The following CAB39L variants were observed in gnomAD, a reference collection of about 807,000 sequenced individuals.
CAB39L encodes calcium-binding protein 39-like.
Under a neutral mutation model 39.1 loss-of-function variants are expected in CAB39L, and 23 were observed. The ratio of observed to expected loss-of-function variants is 0.59; its 90% CI spans 0.42 to 0.83. The LOEUF (loss-of-function observed/expected upper bound fraction) is 0.83. CAB39L is among the 40% of genes least tolerant of loss of function. CAB39L has a pLI of 0.00. For missense variants in CAB39L, 366 were observed against 391.9 expected (o/e 0.93, Z 0.56); for synonymous variants, 126 against 137.2 (o/e 0.92, Z 0.57).
At chr13:49,313,453 C>T (rs555509466) in intron 10 of CAB39L, among the ~76,000 whole-genome samples, 2 of 151,346 alleles carry the variant, frequency 1.3e-5, no homozygotes, top group Non-Finnish European at 2.9e-5. Context: ...TGCACTCTAG[C>T]CTGGGCAACA....
At chr13:49,324,866 C>G (rs187602283) in intron 10 of CAB39L, among the ~76,000 whole-genome samples, 175 of 152,278 alleles carry the variant, frequency 1.1e-3, no homozygotes, top group African/African-American at 4.1e-3. Flanking sequence ...GTGGAAGTTA[C>G]ATAGGAAACT....
rs749152680 is a variant in CAB39L at position 49,332,108 on chromosome 13, A to G, written c.691-18T>C. ...CCTAGCAGCTAGAGGAAAACACAAA[A>G]CCAAAGCTGTAATCTCAGAGCCACC... On this transcript the variant is annotated intron_variant, in intron 9 of 10. Transcript: ENST00000409308. 10 of 1,610,552 alleles carry G rather than the reference A, an allele frequency of 6.2e-6. No individual in the cohort carries two copies. The Admixed American group carries it at 1.5e-4, about 24-fold the overall frequency.
In CAB39L at chr13:49,434,190, T is replaced by C. The variant is rs2138739884; in HGVS notation, c.-212A>G. On this transcript the variant is annotated 5_prime_UTR_variant, in exon 2 of 11. Coordinates refer to ENST00000409308, the MANE Select transcript of CAB39L (RefSeq NM_001079670.3). The stretch of plus-strand genomic sequence containing the variant: ...ACAGCAACTTAGAACACTTTGCTCC[T>C]GATATTCTTTCTTCTCAATATTTGA... The C allele has an allele frequency of 2.2e-6, 1 of 455,590 alleles. No homozygotes were observed. The highest frequency in any genetic ancestry group is 2.0e-5 in the African/African-American group (1 of 50,086). The allele number at this position is 455,590 out of a possible 1,614,324, so 28.2% of individuals were successfully genotyped here.
intron 6 of CAB39L, among the ~76,000 whole-genome samples, chr13:49,355,227 A>C (rs985697262): frequency 7.2e-5 from 11 of 151,842 alleles, no homozygotes; most frequent in Non-Finnish European, 7.4e-5. Flanking sequence ...AAAAAAAAAA[A>C]ATTAATTAGC....
chr13:49,374,403 T>G (rs1052230716), intron 5 of CAB39L, among the ~76,000 whole-genome samples: 3 of 152,200 alleles, frequency 2.0e-5, no homozygotes, highest in Non-Finnish European at 4.4e-5. Context: ...AATCTTCAGC[T>G]ATATGGAAAA....
chr13:49,378,144 C>T (rs1447354175), intron 4 of CAB39L, among the ~76,000 whole-genome samples: 1 of 76,520 alleles, frequency 1.3e-5, no homozygotes, highest in Non-Finnish European at 2.6e-5. Flanking sequence ...AAGTGAGGAG[C>T]CCCTCCGCCC....
chr13:49,417,467 A>G (rs1446988349), intron 3 of CAB39L, among the ~76,000 whole-genome samples: 1 of 152,206 alleles, frequency 6.6e-6, no homozygotes, highest in Non-Finnish European at 1.5e-5. Flanking sequence ...ACACTACTGT[A>G]CCAGATAGAA....
chr13:49,440,536 A>G (rs1222789020), intron 1 of CAB39L, among the ~76,000 whole-genome samples: 2 of 151,884 alleles, frequency 1.3e-5, no homozygotes, highest in African/African-American at 2.4e-5. Context: ...CTACACATTC[A>G]GTAGCACTGA....
At chr13:49,337,682 T>C (rs1042801186) in intron 9 of CAB39L, among the ~76,000 whole-genome samples, 2 of 151,830 alleles carry the variant, frequency 1.3e-5, no homozygotes, top group Admixed American at 6.6e-5. Flanking sequence ...TAGCCCTCTG[T>C]TTAAAGATCA....
chr13:49,345,455 C>T (rs1426823450), intron 7 of CAB39L, among the ~76,000 whole-genome samples: 3 of 152,134 alleles, frequency 2.0e-5, no homozygotes, highest in Non-Finnish European at 4.4e-5. Flanking sequence ...TGGAGCAGAG[C>T]ATTCATTACC....
chr13:49,423,699 A>G (rs1447058195), intron 3 of CAB39L, among the ~76,000 whole-genome samples: 2 of 152,268 alleles, frequency 1.3e-5, no homozygotes, highest in African/African-American at 2.4e-5. Context: ...CCCATACACG[A>G]CAACCTTATT....
intron 4 of CAB39L, among the ~76,000 whole-genome samples, chr13:49,377,518 CAGCCTGCCCAG>C (rs1956108454): frequency 1.1e-5 from 1 of 90,086 alleles, no homozygotes; most frequent in Non-Finnish European, 2.2e-5. Flanking sequence ...TCTCCTGCCT[CAGCCTGCCCAG>C]TGCCTGCCAT....
rs1251626986 is a variant in CAB39L, at chr13:49,397,005, C to CA, written c.-31-14065dup. Among the ~76,000 whole-genome samples the CA allele has an allele frequency of 3.3e-5, 5 of 152,004 alleles. 1 individual carries two copies. The highest frequency in any genetic ancestry group is 2.0e-4 in the Admixed American group (3 of 15,258). On this transcript the variant is annotated intron_variant, in intron 3 of 10. Coordinates refer to ENST00000409308, the MANE Select transcript of CAB39L (RefSeq NM_001079670.3). ...TACTGTATCCAAGAAGACTCTCCCC[C>CA]AAAAAACATAATTTAGAATTGCCTT...
At chr13:49,373,509 A>T (rs190946784) in intron 5 of CAB39L, among the ~76,000 whole-genome samples, 1 of 152,340 alleles carries the variant, frequency 6.6e-6, no homozygotes, top group East Asian at 1.9e-4. Flanking sequence ...TCTGCTATCC[A>T]AAGAAGCACC....
At chr13:49,356,020 A>T (rs1955474353) in intron 6 of CAB39L, among the ~76,000 whole-genome samples, 1 of 152,164 alleles carries the variant, frequency 6.6e-6, no homozygotes, top group South Asian at 2.1e-4. Flanking sequence ...TACAAAAGGA[A>T]TGACAGAATT....
At chr13:49,346,097 C>CATA (rs1955153477) in intron 7 of CAB39L, among the ~76,000 whole-genome samples, 2 of 8,682 alleles carry the variant, frequency 2.3e-4, no homozygotes, top group South Asian at 4.5e-3. Flanking sequence ...TATATATATG[C>CATA]TAGATATATA....
chr13:49,392,843 A>C (rs1039243074), intron 3 of CAB39L, among the ~76,000 whole-genome samples: 1 of 152,144 alleles, frequency 6.6e-6, no homozygotes, highest in Admixed American at 6.5e-5. Context: ...ACAAAATACC[A>C]AATCAGGTTT....
chr13:49,381,148 G>C (rs574659044), intron 4 of CAB39L, among the ~76,000 whole-genome samples: 1 of 152,086 alleles, frequency 6.6e-6, no homozygotes, highest in Non-Finnish European at 1.5e-5. Flanking sequence ...GGCTGATCTC[G>C]AACTCCTGAC....
chr13:49,376,700 T>C (rs1440723943), intron 5 of CAB39L, among the ~76,000 whole-genome samples: 1 of 152,182 alleles, frequency 6.6e-6, no homozygotes, highest in African/African-American at 2.4e-5. Flanking sequence ...ACCTGGCATA[T>C]AGCAAGCATT....
Sources: allele counts gnomAD v4.1 joint callset (sites outside exome capture counted in the v4.1 genomes callset), GRCh38; gene constraint gnomAD v4.1.1; transcripts MANE v1.5; gene names NCBI Gene and HGNC (gene_info 2026-07-23, HGNC 2026-07-21).